Variants in GMEB1 observed in about 807,000 individuals in gnomAD.
GMEB1 encodes glucocorticoid modulatory element-binding protein 1.
Under a neutral mutation model 52.4 loss-of-function variants are expected in GMEB1, and 6 were observed. The observed-to-expected ratio is 0.11, with a 90% confidence interval of 0.06 to 0.23. The LOEUF (loss-of-function observed/expected upper bound fraction) is 0.23, where lower values mean the gene tolerates loss of function less well. Ranked by LOEUF, GMEB1 falls within the 10% of genes least tolerant of loss-of-function variation. GMEB1 has a pLI of 1.00. For synonymous variants in GMEB1, 255 were observed against 244.9 expected, an observed-to-expected ratio of 1.04 and a Z score of -0.38; for missense variants, 486 against 685.6, an observed-to-expected ratio of 0.71 and a Z score of 3.25.
chr1:28,691,017 G>A (rs940179546), intron 3 of GMEB1, among the ~76,000 whole-genome samples: 6 of 151,802 alleles, frequency 4.0e-5, no homozygotes, highest in African/African-American at 9.7e-5. Flanking sequence ...TACACCAGGC[G>A]AGGTGACTCA....
intron 6 of GMEB1, among the ~76,000 whole-genome samples, chr1:28,700,058 CAAAAAAA>C (rs34231884): frequency 9.8e-5 from 6 of 61,140 alleles, no homozygotes; most frequent in African/African-American, 4.0e-4. Context: ...GACCCTGTCT[CAAAAAAA>C]AAAAAAAAAA....
intron 8 of GMEB1, among the ~76,000 whole-genome samples, chr1:28,705,445 CT>C (rs34597945): frequency 0.14 from 17,408 of 123,074 alleles, 1,304 homozygotes; most frequent in Non-Finnish European, 0.19. Context: ...TATGTATTTT[CT>C]TTTTTTTTTT....
chr1:28,701,042 A>C (rs1298532311), intron 6 of GMEB1, among the ~76,000 whole-genome samples: 1 of 152,068 alleles, frequency 6.6e-6, no homozygotes, highest in Non-Finnish European at 1.5e-5. Context: ...GGCTGACTTT[A>C]GGACTTGAGC....
At position 28,719,042 on chromosome 1, in the gene GMEB1, G is replaced by T. The variant is rs902440885; in HGVS notation, c.*4269G>T. ...CAAGGCAGAGTCAGCAACATGGGCA[G>T]TCTCCCCACTGGAGAACGCTGAGTC... On this transcript the variant is annotated 3_prime_UTR_variant, in exon 10 of 10. Transcript: ENST00000373816. 2 of 152,190 alleles carry T rather than the reference G, an allele frequency of 1.3e-5. No homozygotes were observed. The highest frequency in any genetic ancestry group is 4.8e-5 in the African/African-American group (2 of 41,464). 9.4% of individuals were successfully genotyped at this position (152,190 alleles called of 1,614,324 possible).
rs749877038 is a variant in GMEB1 at position 28,683,578 on chromosome 1, G to T, written c.-30-5G>T. 6.3e-7 allele frequency: 1 copy of T among 1,578,386 alleles called. No homozygotes were observed. The highest frequency in any genetic ancestry group is 1.2e-5 in the South Asian group (1 of 86,132). On this transcript the variant is annotated splice_polypyrimidine_tract_variant and splice_region_variant and intron_variant, in intron 1 of 9. Transcript: ENST00000373816. The stretch of plus-strand genomic sequence containing the variant: ...TAAGTTATTGGTGCTTCTTGTTCCC[G>T]ACAGCAGTCCCAGCTATCTGACTTC...
chr1:28,673,061 A>G (rs1668975176), intron 1 of GMEB1, among the ~76,000 whole-genome samples: 1 of 151,716 alleles, frequency 6.6e-6, no homozygotes, highest in East Asian at 1.9e-4. Context: ...ACGCCCGGCT[A>G]ATTTTGTATT....
In GMEB1 at chr1:28,690,159, A is replaced by G. The variant is rs766911275; in HGVS notation, c.184A>G (p.Thr62Ala). 6 of 1,557,726 alleles carry G rather than the reference A, an allele frequency of 3.9e-6. No individual in the cohort carries two copies. In the African/African-American group the frequency reaches 4.1e-5, roughly 11 times the overall value. The change falls in exon 3 of 10, where the codon ACG becomes GCG. Residue 62 changes from threonine to alanine, a missense_variant. Transcript: ENST00000373816. ...NTAVVAVETH[T>A]IHKIEEGIDT... is the part of the protein sequence containing the mutation. ...GGCAGTTGTAGCAGTAGAAACTCAC[A>G]CGATACACAAAATTGAAGAAGGGAT... is the stretch of plus-strand genomic sequence containing the variant.
chr1:28,674,254 A>C (rs752523750), intron 1 of GMEB1, among the ~76,000 whole-genome samples: 3 of 151,932 alleles, frequency 2.0e-5, no homozygotes, highest in Non-Finnish European at 4.4e-5. Context: ...TGGGAGGATC[A>C]CTTGAGGCCC....
intron 5 of GMEB1, among the ~76,000 whole-genome samples, chr1:28,695,843 GC>G (rs1670176464): frequency 7.2e-6 from 1 of 137,942 alleles, no homozygotes; most frequent in African/African-American, 2.7e-5. Context: ...GGAGGCTGAG[GC>G]AGGAGAATGG....
rs1671338561 is a variant in GMEB1 at position 28,718,937 on chromosome 1, T to C, written c.*4164T>C. 1 of 152,210 alleles carries C rather than the reference T, an allele frequency of 6.6e-6. No homozygotes were observed. Among genetic ancestry groups the C allele is most frequent in the African/African-American group, 2.4e-5 (1 of 41,456 alleles). The allele number at this position is 152,210 out of a possible 1,614,324, so 9.4% of individuals were successfully genotyped here. On this transcript the variant is annotated 3_prime_UTR_variant, in exon 10 of 10. Transcript: ENST00000373816. ...GAGAGACCACTTTTGGCTAGGTTTA[T>C]TGTACTACTTGATTTTCAAGTAATT...
chr1:28,683,693 A>T lies in GMEB1; in HGVS notation c.81A>T (p.Glu27Asp). The change falls in exon 2 of 10, where the codon GAA (glutamate) becomes GAT (aspartate). Residue 27 changes from glutamate (E) to aspartate (D), a missense_variant. Coordinates refer to ENST00000373816, the MANE Select transcript of GMEB1 (RefSeq NM_001319674.2). ...AAGGAAATGAAGGGGAGAATCCTGA[A>T]GACACTAAAACCCAAGTGATTTTGC... Reference protein sequence around the residue: ...PTEGNEGENPEDTKTQVILQL... With the variant: ...PTEGNEGENPDDTKTQVILQL... 6.2e-7 allele frequency: 1 copy of T among 1,612,238 alleles called. No individual in the cohort carries two copies. The highest frequency in any genetic ancestry group is 8.5e-7 in the Non-Finnish European group (1 of 1,179,318).
intron 6 of GMEB1, among the ~76,000 whole-genome samples, chr1:28,697,905 T>C (rs1670302871): frequency 1.3e-5 from 2 of 151,736 alleles, no homozygotes; most frequent in South Asian, 2.1e-4. Flanking sequence ...TTTGGGAGGC[T>C]GAGGCAGGCG....
chr1:28,690,203 GTTTTTTTT>G lies in GMEB1; in HGVS notation c.211+31_211+38del, dbSNP rs878890649. The G allele has an allele frequency of 1.3e-4, 69 of 516,164 alleles. No individual in the cohort carries two copies. The highest frequency in any genetic ancestry group is 5.6e-4 in the East Asian group (15 of 26,700). The allele number at this position is 516,164 out of a possible 1,614,324, so 32.0% of individuals were successfully genotyped here. On this transcript the variant is annotated intron_variant, in intron 3 of 9. Transcript: ENST00000373816. ...AAGGGATTGGTAAGGGTTTTTTTGT[GTTTTTTTT>G]TTTTTTTTTTTTTGTCATTCTAATA... is the stretch of plus-strand genomic sequence containing the variant.
intron 2 of GMEB1, among the ~76,000 whole-genome samples, chr1:28,686,789 G>C (rs1669666956): frequency 6.6e-6 from 1 of 151,946 alleles, no homozygotes; most frequent in Non-Finnish European, 1.5e-5. Flanking sequence ...ACCATTTATT[G>C]GGTGCTTTGC....
At chr1:28,684,858 TTAAA>T (rs1000883446) in intron 2 of GMEB1, among the ~76,000 whole-genome samples, 98 of 152,176 alleles carry the variant, frequency 6.4e-4, no homozygotes, top group African/African-American at 2.2e-3. Context: ...TCCTAGAACT[TTAAA>T]TAAATAAATA....
At position 28,691,706 on chromosome 1, in the gene GMEB1, C is replaced by T; in HGVS notation, c.333C>T (p.Val111=). The change falls in exon 4 of 10, where the codon GTC becomes GTT. Residue 111 remains valine, a synonymous_variant. Coordinates refer to ENST00000373816, the MANE Select transcript of GMEB1 (RefSeq NM_001319674.2). ...FVCPGINVKC[V]KFNDQLISPK... The stretch of plus-strand genomic sequence containing the variant: ...GTCCAGGAATAAACGTGAAGTGTGT[C>T]AAGGTAATTGTCTTTTCCATGCTGA... 1 of 1,510,936 alleles carries T rather than the reference C, an allele frequency of 6.6e-7. No homozygotes were observed. Among genetic ancestry groups the T allele is most frequent in the Non-Finnish European group, 9.0e-7 (1 of 1,116,688 alleles). 93.6% of individuals were successfully genotyped at this position (1,510,936 alleles called of 1,614,324 possible).
chr1:28,670,153 T>TTTTATTTATTTATTTA (rs71027286), intron 1 of GMEB1, among the ~76,000 whole-genome samples: 12,556 of 150,724 alleles, frequency 0.083, 698 homozygotes, highest in South Asian at 0.21. Flanking sequence ...TGGGGACCCT[T>TTTTATTTATTTATTTA]TTTATTTATT....
At chr1:28,680,010 G>T (rs1669325220) in intron 1 of GMEB1, among the ~76,000 whole-genome samples, 1 of 152,072 alleles carries the variant, frequency 6.6e-6, no homozygotes, top group African/African-American at 2.4e-5. Context: ...GTTTCTCCAT[G>T]TTGGTCAGGC....
intron 2 of GMEB1, among the ~76,000 whole-genome samples, chr1:28,684,207 A>T (rs1039763293): frequency 6.6e-6 from 1 of 151,964 alleles, no homozygotes; most frequent in Non-Finnish European, 1.5e-5. Flanking sequence ...TTATTTTCAT[A>T]ACATATTTTA....
Sources: gnomAD v4.1 joint callset for allele counts (sites outside exome capture counted in the v4.1 genomes callset) on GRCh38, gnomAD v4.1.1 for gene constraint, MANE v1.5 for transcripts, NCBI Gene and HGNC (gene_info 2026-07-23, HGNC 2026-07-21) for gene names.